KIAA1671: variants seen among roughly 807,000 people sequenced by gnomAD.
KIAA1671 encodes the protein uncharacterized protein KIAA1671.
Under a neutral mutation model 131.2 loss-of-function variants are expected in KIAA1671, and 52 were observed. That is an observed-to-expected ratio of 0.40 (90% CI 0.32 to 0.50). The LOEUF (loss-of-function observed/expected upper bound fraction) is 0.50. KIAA1671 is among the 20% of genes least tolerant of loss of function. KIAA1671 has a pLI of 0.73. For missense variants in KIAA1671, 2,360 were observed against 2,364.2 expected (o/e 1.00, Z 0.04); for synonymous variants, 1,003 against 961.6 (o/e 1.04, Z -0.80).
chr22:25,116,427 GTA>G lies in KIAA1671; in HGVS notation c.4531-54391_4531-54390del, dbSNP rs1321838493. On this transcript the variant is annotated intron_variant, in intron 6 of 12. Coordinates refer to ENST00000358431, the MANE Select transcript of KIAA1671 (RefSeq NM_001145206.2). Reference sequence around the variant, plus strand: ...TGTATGTATGTATGTATGTATGTATGTATGTACGTATTGAGATGGAGTCTTGC... The same window carrying G: ...TGTATGTATGTATGTATGTATGTATGTGTACGTATTGAGATGGAGTCTTGC... Among the ~76,000 whole-genome samples the G allele has an allele frequency of 2.5e-3, 314 of 127,518 alleles. 1 individual carries two copies. Among genetic ancestry groups the G allele is most frequent in the South Asian group, 0.015 (68 of 4,482 alleles). The allele number at this position is 127,518 out of a possible 152,430, so 83.7% of individuals were successfully genotyped here. A position where few individuals can be genotyped will look rare whatever the true frequency, so the allele number is the denominator to read the frequency against.
chr22:25,065,472 C>T (rs898141384), intron 6 of KIAA1671, among the ~76,000 whole-genome samples: 1 of 151,996 alleles, frequency 6.6e-6, no homozygotes, highest in Non-Finnish European at 1.5e-5. Context: ...TGGAAGATGG[C>T]CTTGCTACAT....
chr22:24,995,136 C>T (rs936962883), intron 1 of KIAA1671, among the ~76,000 whole-genome samples: 6 of 149,670 alleles, frequency 4.0e-5, no homozygotes, highest in African/African-American at 1.5e-4. Flanking sequence ...CTGCAAGCTC[C>T]GCCTCCCGGG....
intron 1 of KIAA1671, among the ~76,000 whole-genome samples, chr22:24,959,574 A>ACG (rs1248974833): frequency 4.6e-5 from 7 of 151,830 alleles, no homozygotes; most frequent in Non-Finnish European, 1.0e-4. Context: ...ATACACACAC[A>ACG]CACACATATA....
intron 7 of KIAA1671, 61 bp downstream of exon 7, chr22:25,170,999 G>A: frequency 7.6e-7 from 1 of 1,314,796 alleles, no homozygotes; most frequent in Non-Finnish European, 1.1e-6. Flanking sequence ...AGTTGCTGCA[G>A]CCCACCCACC....
intron 6 of KIAA1671, among the ~76,000 whole-genome samples, chr22:25,122,143 G>A (rs751032057): frequency 1.3e-5 from 2 of 152,134 alleles, no homozygotes; most frequent in Non-Finnish European, 2.9e-5. Flanking sequence ...ACAACGCTTG[G>A]TGCATAATAG....
chr22:25,093,749 TCTC>T (rs1930187678), intron 6 of KIAA1671, among the ~76,000 whole-genome samples: 13 of 125,886 alleles, frequency 1.0e-4, no homozygotes, highest in East Asian at 2.3e-4. Context: ...TCTCTCTCTC[TCTC>T]TCTCTCTCTC....
At chr22:25,158,929 A>ATGGTCTAC (rs1168993568) in intron 6 of KIAA1671, among the ~76,000 whole-genome samples, 1 of 152,208 alleles carries the variant, frequency 6.6e-6, no homozygotes, top group Non-Finnish European at 1.5e-5. Flanking sequence ...ATTAAACTTG[A>ATGGTCTAC]TGGTCTACAT....
At chr22:24,969,825 C>T (rs1922507589) in intron 1 of KIAA1671, among the ~76,000 whole-genome samples, 1 of 152,186 alleles carries the variant, frequency 6.6e-6, no homozygotes, top group African/African-American at 2.4e-5. Context: ...TGAACTTCAG[C>T]TTCTGCTCTG....
chr22:25,071,831 GA>G (rs1468838709), intron 6 of KIAA1671, among the ~76,000 whole-genome samples: 1 of 152,202 alleles, frequency 6.6e-6, no homozygotes, highest in Non-Finnish European at 1.5e-5. Context: ...GCTAGCGCCA[GA>G]TACTTGGAAT....
intron 5 of KIAA1671, among the ~76,000 whole-genome samples, chr22:25,044,013 G>GGTGGATC (rs147837042): frequency 0.24 from 36,850 of 152,030 alleles, 6,565 homozygotes; most frequent in African/African-American, 0.51. Context: ...GATACAGTCA[G>GGTGGATC]TAATGATCAT....
At chr22:25,120,696 T>C (rs1264527035) in intron 6 of KIAA1671, among the ~76,000 whole-genome samples, 6 of 152,268 alleles carry the variant, frequency 3.9e-5, no homozygotes, top group Admixed American at 3.9e-4. Flanking sequence ...AGCATTGGAA[T>C]GCATTTCCTT....
At chr22:25,018,144 C>T (rs1383444784) in intron 1 of KIAA1671, among the ~76,000 whole-genome samples, 1 of 149,456 alleles carries the variant, frequency 6.7e-6, no homozygotes, top group African/African-American at 2.5e-5. Flanking sequence ...CCCCTGTCTG[C>T]CCCCATCAGG....
intron 1 of KIAA1671, among the ~76,000 whole-genome samples, chr22:24,967,535 C>T (rs1238261345): frequency 6.6e-6 from 1 of 152,206 alleles, no homozygotes; most frequent in Non-Finnish European, 1.5e-5. Context: ...TTTACCAAGG[C>T]CTGCACTGGG....
intron 4 of KIAA1671, among the ~76,000 whole-genome samples, chr22:25,034,048 GT>G (rs35842433): frequency 1.7e-3 from 217 of 130,752 alleles, no homozygotes; most frequent in Non-Finnish European, 2.1e-3. Context: ...ATGCCACTTT[GT>G]TTTTTTTTTT....
chr22:25,100,133 C>T (rs764749563), intron 6 of KIAA1671, among the ~76,000 whole-genome samples: 16 of 152,188 alleles, frequency 1.1e-4, no homozygotes, highest in Non-Finnish European at 1.9e-4. Flanking sequence ...AGGAGGGGAG[C>T]ATTGCCTGGG....
chr22:25,045,960 A>G (rs1927204240), intron 5 of KIAA1671, among the ~76,000 whole-genome samples: 1 of 151,714 alleles, frequency 6.6e-6, no homozygotes, highest in South Asian at 2.1e-4. Context: ...TTTAACCTAG[A>G]CTCTCATTGA....
intron 6 of KIAA1671, chr22:25,112,431 A>G (rs1007169063): frequency 5.0e-6 from 2 of 398,986 alleles, no homozygotes; most frequent in African/African-American, 4.1e-5. Flanking sequence ...TCACTGAGGA[A>G]AAGGCATACA....
intron 6 of KIAA1671, among the ~76,000 whole-genome samples, chr22:25,093,714 CA>C: frequency 8.2e-6 from 1 of 121,800 alleles, no homozygotes; most frequent in Non-Finnish European, 1.6e-5. Context: ...CACACACACA[CA>C]CACACACACA....
At chr22:25,150,316 A>G (rs1932991280) in intron 6 of KIAA1671, among the ~76,000 whole-genome samples, 1 of 152,228 alleles carries the variant, frequency 6.6e-6, no homozygotes, top group Non-Finnish European at 1.5e-5. Flanking sequence ...TCTGCCTGGC[A>G]GCAGAACCCC....
Sources: allele counts gnomAD v4.1 joint callset (sites outside exome capture counted in the v4.1 genomes callset), GRCh38; gene constraint gnomAD v4.1.1; transcripts MANE v1.5; gene names NCBI Gene and HGNC (gene_info 2026-07-23, HGNC 2026-07-21).